Variants in LRCH1 observed in about 807,000 individuals in gnomAD.
LRCH1 encodes leucine-rich repeat and calponin homology domain-containing protein 1.
Under a neutral mutation model 94.9 loss-of-function variants are expected in LRCH1, and 23 were observed. The ratio of observed to expected loss-of-function variants is 0.24; its 90% CI spans 0.17 to 0.34. The LOEUF (loss-of-function observed/expected upper bound fraction) is 0.34, where lower values mean the gene tolerates loss of function less well. LRCH1 is among the 10% of genes least tolerant of loss of function. The probability of loss-of-function intolerance (pLI) is 1.00; values close to 1 mark genes in which losing one functional copy is unlikely to be tolerated. For synonymous variants in LRCH1, 364 were observed against 354.9 expected, an observed-to-expected ratio of 1.03 and a Z score of -0.29; for missense variants, 790 against 945.9, an observed-to-expected ratio of 0.84 and a Z score of 2.16.
chr13:46,705,127 A>T lies in LRCH1; in HGVS notation c.1460A>T (p.Glu487Val). 3 of 1,609,568 alleles carry T rather than the reference A, an allele frequency of 1.9e-6. No homozygotes were observed. The highest frequency in any genetic ancestry group is 2.5e-6 in the Non-Finnish European group (3 of 1,177,988). The part of the protein sequence containing the change: ...VLNLYPMGSA[E>V]ALELQDSALN... ...AACCTATATCCTATGGGATCAGCAGAAGCCTTAGAATTACAAGATTCTGCA... is the reference window on the plus strand; with the variant it reads ...AACCTATATCCTATGGGATCAGCAGTAGCCTTAGAATTACAAGATTCTGCA... The change falls in exon 12 of 20, where the codon GAA (glutamate) becomes GTA (valine). Residue 487 changes from glutamate (E) to valine (V), a missense_variant. Physicochemically the swap from Glu to Val is moderately radical, Grantham distance 121 (BLOSUM62 -2). This residue lies in a region of LRCH1 where 460 missense variants were observed against 508.9 expected (regional missense o/e 0.90). Coordinates refer to ENST00000389797, the MANE Select transcript of LRCH1 (RefSeq NM_001164211.2).
chr13:46,744,621 T>C lies in LRCH1; in HGVS notation c.*2773T>C, dbSNP rs1410233147. ...ATAAAGGCACTTGATAGCCTGCTGC[T>C]ATTTGTTTGTAAGAAATTAAAACTA... On this transcript the variant is annotated 3_prime_UTR_variant, in exon 20 of 20. Transcript: ENST00000389797. 1.0e-6 allele frequency: 1 copy of C among 985,452 alleles called. No individual in the cohort carries two copies. The highest frequency in any genetic ancestry group is 1.1e-4 in the East Asian group (1 of 8,814). 61.0% of individuals were successfully genotyped at this position (985,452 alleles called of 1,614,324 possible). A position where few individuals can be genotyped will look rare whatever the true frequency, so the allele number is the denominator to read the frequency against.
chr13:46,640,901 ACTT>A (rs1429368434), intron 1 of LRCH1, among the ~76,000 whole-genome samples: 1 of 152,210 alleles, frequency 6.6e-6, no homozygotes, highest in Non-Finnish European at 1.5e-5. Context: ...GTTTGACCTG[ACTT>A]CTTTGTTGAT....
intron 16 of LRCH1, among the ~76,000 whole-genome samples, chr13:46,720,001 A>G (rs1385370097): frequency 2.0e-5 from 3 of 152,084 alleles, no homozygotes; most frequent in Non-Finnish European, 4.4e-5. Flanking sequence ...CCATCTCAAA[A>G]CAAAATAAAA....
Position 46,750,606 on chromosome 13 carries a change from CA to C in LRCH1, c.2049del (p.Ala684HisfsTer3), listed in dbSNP as rs1874086092. 3 of 1,551,898 alleles carry C rather than the reference CA, an allele frequency of 1.9e-6. No individual in the cohort carries two copies. The highest frequency in any genetic ancestry group is 2.6e-6 in the Non-Finnish European group (3 of 1,146,992). On this transcript the variant is annotated frameshift_variant, in exon 19 of 19. Coordinates refer to the LRCH1 transcript ENST00000311191. LOFTEE classifies it high-confidence loss of function. ...CCTGGTCAAAGTGGGCATTACCATT[CA>C]AGCATTACTAGACATCACCGTAACG...
chr13:46,694,279 C>T (rs1021698577), intron 8 of LRCH1, among the ~76,000 whole-genome samples: 4 of 152,138 alleles, frequency 2.6e-5, no homozygotes, highest in African/African-American at 4.8e-5. Context: ...TGGAAGAGTT[C>T]TGCAGGGTGT....
intron 1 of LRCH1, among the ~76,000 whole-genome samples, chr13:46,563,062 T>A (rs2050146709): frequency 6.6e-6 from 1 of 152,206 alleles, no homozygotes; most frequent in South Asian, 2.1e-4. Flanking sequence ...TAAGCAATGT[T>A]ACATCTAAAA....
At chr13:46,705,355 A>C in intron 13 of LRCH1, 51 bp downstream of exon 13, 1 of 1,432,048 alleles carries the variant, frequency 7.0e-7, no homozygotes, top group Non-Finnish European at 9.9e-7. Context: ...TTTGCCATGG[A>C]ATACTGGCCA....
At chr13:46,631,966 C>T (rs1055327529) in intron 1 of LRCH1, among the ~76,000 whole-genome samples, 8 of 152,128 alleles carry the variant, frequency 5.3e-5, no homozygotes, top group Non-Finnish European at 1.2e-4. Flanking sequence ...CTTTGGGAGG[C>T]CAAAGCAGGT....
At chr13:46,650,722 C>CAAAAAA (rs756410319) in intron 2 of LRCH1, among the ~76,000 whole-genome samples, 2 of 58,200 alleles carry the variant, frequency 3.4e-5, no homozygotes, top group African/African-American at 4.9e-5. Flanking sequence ...AAACAAGGAG[C>CAAAAAA]AAAAAAAAAA....
intron 15 of LRCH1, among the ~76,000 whole-genome samples, 166 bp downstream of exon 15, chr13:46,712,763 G>C (rs371625987): frequency 6.6e-6 from 1 of 152,182 alleles, no homozygotes; most frequent in Non-Finnish European, 1.5e-5. Flanking sequence ...TGTTTTCAGT[G>C]AATCAGCTAA....
chr13:46,695,232 A>T (rs1871120170), intron 9 of LRCH1, among the ~76,000 whole-genome samples: 1 of 152,074 alleles, frequency 6.6e-6, no homozygotes, highest in African/African-American at 2.4e-5. Flanking sequence ...CTGTTTATGG[A>T]TCTGATTTTC....
chr13:46,625,625 G>A (rs2050937364), intron 1 of LRCH1, among the ~76,000 whole-genome samples: 1 of 131,412 alleles, frequency 7.6e-6, no homozygotes, highest in Non-Finnish European at 1.6e-5. Flanking sequence ...AGAAATAAAT[G>A]TGTGGGGTTT....
chr13:46,623,221 G>A (rs2050900839), intron 1 of LRCH1, among the ~76,000 whole-genome samples: 1 of 152,048 alleles, frequency 6.6e-6, no homozygotes, highest in Non-Finnish European at 1.5e-5. Context: ...CATCTTGGGA[G>A]CAATTTTTTA....
intron 16 of LRCH1, among the ~76,000 whole-genome samples, chr13:46,720,757 T>G (rs1050462497): frequency 6.6e-6 from 1 of 152,226 alleles, no homozygotes; most frequent in African/African-American, 2.4e-5. Flanking sequence ...TCAGAGGTAC[T>G]TTAATGGTCC....
At chr13:46,689,451 T>A (rs1396875462) in intron 7 of LRCH1, among the ~76,000 whole-genome samples, 1 of 152,160 alleles carries the variant, frequency 6.6e-6, no homozygotes, top group African/African-American at 2.4e-5. Context: ...TCTTCTCCTC[T>A]CCTACACATT....
Position 46,744,114 on chromosome 13 carries a change from C to G in LRCH1, c.*2266C>G, listed in dbSNP as rs533358273. 1.6e-5 allele frequency: 16 copies of G among 985,390 alleles called. No homozygotes were observed. In the African/African-American group the frequency reaches 2.6e-4, roughly 16 times the overall value. The allele number at this position is 985,390 out of a possible 1,614,324, so 61.0% of individuals were successfully genotyped here. A position where few individuals can be genotyped will look rare whatever the true frequency, so the allele number is the denominator to read the frequency against. ...TTTCTAATCAGAATATTAAGCTTCT[C>G]TGTGGTTTTTCTCCAAGGTACCCGT... On this transcript the variant is annotated 3_prime_UTR_variant, in exon 20 of 20. Coordinates refer to ENST00000389797, the MANE Select transcript of LRCH1 (RefSeq NM_001164211.2).
rs939608091 is a variant in LRCH1 at position 46,735,096 on chromosome 13, A to C, written c.2085+1098A>C. Among the ~76,000 whole-genome samples, 4 of 152,282 alleles carry C rather than the reference A, an allele frequency of 2.6e-5. No homozygotes were observed. The East Asian group carries it at 7.7e-4, about 29-fold the overall frequency. ...GGAAAAGGAGAGCATTATTTAAAAC[A>C]TCTTTAAGTCAGAGCTATATCAATA... On this transcript the variant is annotated intron_variant, in intron 19 of 19. Transcript: ENST00000389797.
chr13:46,553,471 T>TC lies in LRCH1; in HGVS notation c.79dup (p.His27ProfsTer42). On this transcript the variant is annotated frameshift_variant, in exon 1 of 20. Transcript: ENST00000389797. LOFTEE classifies it high-confidence loss of function. ...TAGCTACTCTGCACCCACTTCATCA[T>TC]CCCCACCACCACCACCACCACCATC... is the stretch of plus-strand genomic sequence containing the variant. 1 of 1,547,878 alleles carries TC rather than the reference T, an allele frequency of 6.5e-7. No homozygotes were observed. The highest frequency in any genetic ancestry group is 8.7e-7 in the Non-Finnish European group (1 of 1,145,870).
intron 1 of LRCH1, among the ~76,000 whole-genome samples, chr13:46,634,689 G>T (rs2051061218): frequency 6.6e-6 from 1 of 152,148 alleles, no homozygotes; most frequent in South Asian, 2.1e-4. Context: ...ATTTTCTCTT[G>T]TTTACCTGTC....
Sources: gnomAD v4.1 joint callset for allele counts (sites outside exome capture counted in the v4.1 genomes callset) on GRCh38, gnomAD v4.1.1 for gene constraint, gnomAD v4.1.1 regional missense constraint, MANE v1.5 for transcripts, NCBI Gene and HGNC (gene_info 2026-07-23, HGNC 2026-07-21) for gene names.